The following USP25 variants were observed in gnomAD, a reference collection of about 807,000 sequenced individuals.
USP25 encodes ubiquitin specific peptidase 25.
In USP25, 85 loss-of-function variants were observed where a neutral mutation model predicts 158.5. The ratio of observed to expected loss-of-function variants is 0.54; its 90% CI spans 0.45 to 0.64. The LOEUF (loss-of-function observed/expected upper bound fraction) is 0.64, where lower values mean the gene tolerates loss of function less well. USP25 is among the 30% of genes least tolerant of loss of function. The pLI is 0.00. For missense variants in USP25, 1,242 were observed against 1,327.3 expected (o/e 0.94, Z 1.00); for synonymous variants, 464 against 460.4 (o/e 1.01, Z -0.10).
At chr21:15,835,852 A>C (rs1313430384) in intron 17 of USP25, among the ~76,000 whole-genome samples, 1 of 152,204 alleles carries the variant, frequency 6.6e-6, no homozygotes, top group African/African-American at 2.4e-5. Flanking sequence ...TGTTGTTTAA[A>C]AGATTGGTTT....
At chr21:15,841,121 C>T (rs2038313002) in intron 17 of USP25, among the ~76,000 whole-genome samples, 1 of 152,120 alleles carries the variant, frequency 6.6e-6, no homozygotes, top group African/African-American at 2.4e-5. Flanking sequence ...TGTAAGCATC[C>T]TCACCTCTGG....
intron 18 of USP25, among the ~76,000 whole-genome samples, chr21:15,846,101 G>GAT (rs1209524136): frequency 1.5e-4 from 13 of 89,490 alleles, no homozygotes; most frequent in South Asian, 4.0e-4. Context: ...TGTGGATTTT[G>GAT]ATATATGTGT....
At chr21:15,856,629 G>A (rs1417110853) in intron 20 of USP25, among the ~76,000 whole-genome samples, 8 of 151,964 alleles carry the variant, frequency 5.3e-5, no homozygotes, top group African/African-American at 1.9e-4. Context: ...CCGCTACCAC[G>A]CCCGGCTAAT....
At chr21:15,862,343 G>A (rs541953791) in intron 20 of USP25, among the ~76,000 whole-genome samples, 48 of 151,890 alleles carry the variant, frequency 3.2e-4, no homozygotes, top group Middle Eastern at 6.8e-3. Context: ...TTTTGGATTC[G>A]GAATGCTCAA....
rs200154752 is a variant in USP25 at position 15,799,488 on chromosome 21, A to C, written c.556-269A>C. On this transcript the variant is annotated intron_variant, in intron 5 of 25. Transcript: ENST00000400183. ...CTCTTTATTTTGAGGAAACTGCTTAAGTGCATATAAAAAGAGCTATTAATA... is the reference window on the plus strand; with the variant it reads ...CTCTTTATTTTGAGGAAACTGCTTACGTGCATATAAAAAGAGCTATTAATA... 2.8e-4 allele frequency: 65 copies of C among 230,568 alleles called. 3 individuals carry two copies. In the East Asian group the frequency reaches 5.3e-3, roughly 19 times the overall value. The allele number at this position is 230,568 out of a possible 1,614,324, so 14.3% of individuals were successfully genotyped here.
chr21:15,815,510 ACAGGGGC>A (rs2036893169), intron 9 of USP25, among the ~76,000 whole-genome samples: 1 of 152,206 alleles, frequency 6.6e-6, no homozygotes. Flanking sequence ...TTGCAAAGCC[ACAGGGGC>A]GGAGCTGCCC....
intron 17 of USP25, among the ~76,000 whole-genome samples, chr21:15,839,689 GTCT>G (rs754092360): frequency 2.0e-5 from 3 of 151,708 alleles, no homozygotes; most frequent in Non-Finnish European, 4.4e-5. Flanking sequence ...CTCTTTTTTT[GTCT>G]TCTTTGACAG....
At position 15,816,629 on chromosome 21, in the gene USP25, A is replaced by G. The variant is rs2036950270; in HGVS notation, c.932-2069A>G. On this transcript the variant is annotated intron_variant, in intron 9 of 25. Coordinates refer to ENST00000400183, the MANE Select transcript of USP25 (RefSeq NM_001283041.3). The surrounding 1 kb of genome is among the most constrained non-coding windows in gnomAD (Gnocchi z 4.0). The stretch of plus-strand genomic sequence containing the variant: ...ATTTCTTCTTCCTGTCCCATCCCCT[A>G]GGCATCTCATTCAGTGCCTTAATTT... Among the ~76,000 whole-genome samples the G allele has an allele frequency of 6.6e-6, 1 of 152,090 alleles. No homozygotes were observed. The highest frequency in any genetic ancestry group is 2.1e-4 in the South Asian group (1 of 4,830).
At chr21:15,793,972 A>T (rs2035730473) in intron 5 of USP25, among the ~76,000 whole-genome samples, 1 of 151,672 alleles carries the variant, frequency 6.6e-6, no homozygotes, top group Admixed American at 6.6e-5. Flanking sequence ...AGTTGGGCCA[A>T]AAATCTACCA....
chr21:15,870,516 C>T (rs562695329), intron 23 of USP25, among the ~76,000 whole-genome samples: 2 of 152,116 alleles, frequency 1.3e-5, no homozygotes, highest in African/African-American at 4.8e-5. Flanking sequence ...TTTTTGTGTA[C>T]TGTGACTTTA....
At chr21:15,802,708 A>C (rs2036191759) in intron 6 of USP25, among the ~76,000 whole-genome samples, 1 of 151,706 alleles carries the variant, frequency 6.6e-6, no homozygotes, top group African/African-American at 2.4e-5. Context: ...AGAAAAGAAG[A>C]ATGGTTTTCA....
intron 16 of USP25, among the ~76,000 whole-genome samples, chr21:15,832,216 G>T (rs2037837982): frequency 6.6e-6 from 1 of 152,096 alleles, no homozygotes; most frequent in African/African-American, 2.4e-5. Context: ...TGTCTACTGG[G>T]CATTTACTGT....
At chr21:15,730,555 T>C in intron 1 of USP25, 117 bp downstream of exon 1, 1 of 1,170,788 alleles carries the variant, frequency 8.5e-7, no homozygotes, top group Non-Finnish European at 1.1e-6. Context: ...TCCTCCCCGG[T>C]CACCCCCGGC....
intron 1 of USP25, among the ~76,000 whole-genome samples, chr21:15,755,761 G>A (rs539836788): frequency 6.6e-6 from 1 of 152,258 alleles, no homozygotes; most frequent in Admixed American, 6.5e-5. Context: ...AAGAGAAAGT[G>A]CATACAAATT....
At chr21:15,813,269 T>C (rs1040038521) in intron 9 of USP25, among the ~76,000 whole-genome samples, 4 of 152,354 alleles carry the variant, frequency 2.6e-5, no homozygotes, top group Admixed American at 2.0e-4. Context: ...TCATTTCAGA[T>C]CTAACTTATC....
At chr21:15,754,622 C>T (rs759930454) in intron 1 of USP25, among the ~76,000 whole-genome samples, 3 of 152,054 alleles carry the variant, frequency 2.0e-5, no homozygotes, top group Non-Finnish European at 4.4e-5. Context: ...GTTCTGTAGA[C>T]CCTGAATGAA....
intron 1 of USP25, among the ~76,000 whole-genome samples, chr21:15,736,348 T>C (rs921671176): frequency 1.3e-5 from 2 of 152,186 alleles, no homozygotes; most frequent in Non-Finnish European, 2.9e-5. Flanking sequence ...TCAGCCTGCC[T>C]TGGGCTCCCG....
intron 1 of USP25, among the ~76,000 whole-genome samples, chr21:15,760,281 C>G (rs75507156): frequency 0.076 from 11,628 of 152,204 alleles, 503 homozygotes; most frequent in East Asian, 0.1. Flanking sequence ...ACCTTTTGTC[C>G]TTTGCCCTTC....
chr21:15,878,700 A>C lies in USP25; in HGVS notation c.*225A>C. On this transcript the variant is annotated 3_prime_UTR_variant, in exon 26 of 26. Transcript: ENST00000400183. ...AACCGGAACTGATGTATAATCACAA[A>C]TCTAATTGATTTTATTATGGCAAAA... The C allele has an allele frequency of 2.5e-6, 1 of 401,946 alleles. No homozygotes were observed. Among genetic ancestry groups the C allele is most frequent in the Non-Finnish European group, 4.3e-6 (1 of 230,258 alleles). 24.9% of individuals were successfully genotyped at this position (401,946 alleles called of 1,614,324 possible). A position where few individuals can be genotyped will look rare whatever the true frequency, so the allele number is the denominator to read the frequency against.
Sources: gnomAD v4.1 joint callset for allele counts (sites outside exome capture counted in the v4.1 genomes callset) on GRCh38, gnomAD v4.1.1 for gene constraint, Gnocchi (gnomAD v3.1) non-coding constraint, MANE v1.5 for transcripts, NCBI Gene and HGNC (gene_info 2026-07-23, HGNC 2026-07-21) for gene names.